NCOA2: variants seen among roughly 807,000 people sequenced by gnomAD.
NCOA2 encodes the protein class E basic helix-loop-helix protein 75.
NCOA2 carries 21 observed loss-of-function variants against 145.1 expected under a neutral mutation model. The ratio of observed to expected loss-of-function variants is 0.14; its 90% CI spans 0.10 to 0.21. The LOEUF is 0.21. Ranked by LOEUF, NCOA2 falls within the 10% of genes least tolerant of loss-of-function variation. The probability of loss-of-function intolerance (pLI) is 1.00; values close to 1 mark genes in which losing one functional copy is unlikely to be tolerated. For missense variants in NCOA2, 1,472 were observed against 1,837.6 expected, an observed-to-expected ratio of 0.80 and a Z score of 3.64; for synonymous variants, 619 against 637.5, an observed-to-expected ratio of 0.97 and a Z score of 0.44.
chr8:70,346,626 G>C (rs1808673046), intron 1 of NCOA2, among the ~76,000 whole-genome samples: 1 of 152,150 alleles, frequency 6.6e-6, no homozygotes. Context: ...GGCAGCTTCT[G>C]AGTGTACATT....
chr8:70,233,482 T>C (rs1242050812), intron 2 of NCOA2, among the ~76,000 whole-genome samples: 1 of 152,170 alleles, frequency 6.6e-6, no homozygotes, highest in Non-Finnish European at 1.5e-5. Flanking sequence ...GGCATGTAGA[T>C]TATTCTCCTA....
At chr8:70,194,967 C>T (rs1759535897) in intron 4 of NCOA2, among the ~76,000 whole-genome samples, 1 of 152,156 alleles carries the variant, frequency 6.6e-6, no homozygotes, top group Admixed American at 6.5e-5. Flanking sequence ...GACTTCAATG[C>T]TAGTCCTACC....
the NCOA2 span, among the ~76,000 whole-genome samples, chr8:70,446,009 G>A: frequency 6.6e-6 from 1 of 151,694 alleles, no homozygotes; most frequent in African/African-American, 2.4e-5. Flanking sequence ...CCTATACTAT[G>A]GGTTGGTTCA....
At chr8:70,309,287 T>C (rs568339882) in intron 1 of NCOA2, among the ~76,000 whole-genome samples, 1 of 151,992 alleles carries the variant, frequency 6.6e-6, no homozygotes, top group African/African-American at 2.4e-5. Context: ...TGAGCTATAT[T>C]AATAATAAAT....
intron 2 of NCOA2, among the ~76,000 whole-genome samples, chr8:70,264,096 C>T (rs1009400244): frequency 1.3e-5 from 2 of 151,218 alleles, no homozygotes; most frequent in African/African-American, 2.4e-5. Context: ...CCTGTAATCC[C>T]AGCTACTTGG....
intron 2 of NCOA2, among the ~76,000 whole-genome samples, chr8:70,218,374 C>T (rs1348874731): frequency 6.6e-6 from 1 of 152,060 alleles, no homozygotes; most frequent in Non-Finnish European, 1.5e-5. Context: ...AACCAAGTCC[C>T]AATGTCCCAC....
chr8:70,149,336 G>C (rs558271093), intron 11 of NCOA2, among the ~76,000 whole-genome samples: 1 of 151,344 alleles, frequency 6.6e-6, no homozygotes, highest in Non-Finnish European at 1.5e-5. Flanking sequence ...CTGGGCTCAA[G>C]TGATCCTGCC....
intron 12 of NCOA2, among the ~76,000 whole-genome samples, chr8:70,145,164 T>C (rs370663655): frequency 2.8e-5 from 4 of 144,842 alleles, no homozygotes; most frequent in Admixed American, 1.3e-4. Flanking sequence ...CTCTCTCTCT[T>C]TTTTTATTCT....
rs530081976 is a variant in NCOA2, at chr8:70,180,715, G to A, written c.260-5856C>T. 3.1e-3 allele frequency among the ~76,000 whole-genome samples: 476 copies of A among 152,258 alleles called. 2 individuals are homozygous for A. Among genetic ancestry groups the A allele is most frequent in the African/African-American group, 0.011 (448 of 41,552 alleles). On this transcript the variant is annotated intron_variant, in intron 4 of 22. Coordinates refer to ENST00000452400, the MANE Select transcript of NCOA2 (RefSeq NM_006540.4). The stretch of plus-strand genomic sequence containing the variant: ...TTATTTATTTATTTGTTTATTTTTA[G>A]AGACAGCATCCCACTATGTCACCAG...
chr8:70,133,281 A>C (rs1193999866), intron 15 of NCOA2, among the ~76,000 whole-genome samples: 1 of 149,804 alleles, frequency 6.7e-6, no homozygotes, highest in Admixed American at 6.7e-5. Flanking sequence ...TCACAGGCAC[A>C]ATCATTGCAC....
intron 1 of NCOA2, among the ~76,000 whole-genome samples, chr8:70,361,157 T>G (rs961178651): frequency 6.6e-5 from 10 of 152,294 alleles, no homozygotes; most frequent in African/African-American, 2.4e-4. Flanking sequence ...TTTATAATAC[T>G]AGCTTCTTCA....
At chr8:70,113,740 T>C (rs1296295094) in intron 22 of NCOA2, 97 bp from the exon 23 acceptor site, 1 of 1,222,218 alleles carries the variant, frequency 8.2e-7, no homozygotes, top group Non-Finnish European at 1.2e-6. Context: ...CCTGACTGTT[T>C]TCAATAAAGC....
chr8:70,320,332 C>A (rs1196282735), intron 1 of NCOA2, among the ~76,000 whole-genome samples: 1 of 152,064 alleles, frequency 6.6e-6, no homozygotes, highest in Non-Finnish European at 1.5e-5. Flanking sequence ...TGATACACAA[C>A]AGCTCACAAC....
At chr8:70,239,607 C>A (rs1444736277) in intron 2 of NCOA2, among the ~76,000 whole-genome samples, 1 of 152,138 alleles carries the variant, frequency 6.6e-6, no homozygotes, top group Non-Finnish European at 1.5e-5. Flanking sequence ...TGCCCGCCCC[C>A]CAGCACTTGA....
chr8:70,224,473 GCA>G (rs1820432531), intron 2 of NCOA2, among the ~76,000 whole-genome samples: 1 of 151,710 alleles, frequency 6.6e-6, no homozygotes, highest in African/African-American at 2.4e-5. Context: ...TGTCCTTCTT[GCA>G]TAAATCATAC....
At chr8:70,408,825 C>A in the NCOA2 span, among the ~76,000 whole-genome samples, 2 of 146,718 alleles carry the variant, frequency 1.4e-5, no homozygotes, top group African/African-American at 5.1e-5. Context: ...TGGGGTTTCA[C>A]CGTCTTACCC....
At chr8:70,402,259 A>G (rs1489543508) in intron 1 of NCOA2, 1 of 152,068 alleles carries the variant, frequency 6.6e-6, no homozygotes, top group Non-Finnish European at 1.5e-5. Flanking sequence ...AAGGCGTCGG[A>G]GGAGGTGGAG....
At chr8:70,345,819 G>A (rs1413950116) in intron 1 of NCOA2, among the ~76,000 whole-genome samples, 2 of 152,200 alleles carry the variant, frequency 1.3e-5, no homozygotes, top group Non-Finnish European at 2.9e-5. Context: ...TTAAGTTCAG[G>A]CGGTCAGCTA....
intron 2 of NCOA2, among the ~76,000 whole-genome samples, chr8:70,266,011 G>A (rs1416059945): frequency 6.6e-6 from 1 of 152,162 alleles, no homozygotes; most frequent in African/African-American, 2.4e-5. Flanking sequence ...TTAGCTGGGC[G>A]TGGTGGTGCA....
Sources: allele counts gnomAD v4.1 joint callset (sites outside exome capture counted in the v4.1 genomes callset), GRCh38; gene constraint gnomAD v4.1.1; transcripts MANE v1.5; gene names NCBI Gene and HGNC (gene_info 2026-07-23, HGNC 2026-07-21).